The following DOCK2 variants were observed in gnomAD, a reference collection of about 807,000 sequenced individuals.
DOCK2 encodes dedicator of cytokinesis protein 2.
DOCK2 carries 87 observed loss-of-function variants against 248.9 expected under a neutral mutation model. The ratio of observed to expected loss-of-function variants is 0.35; its 90% confidence interval spans 0.29 to 0.42. The LOEUF (loss-of-function observed/expected upper bound fraction) is 0.42, where lower values mean the gene tolerates loss of function less well. DOCK2 is among the 10% of genes least tolerant of loss of function. DOCK2 has a pLI of 1.00. For missense variants in DOCK2, 1,747 were observed against 2,300.2 expected (o/e 0.76, Z 4.92); for synonymous variants, 805 against 821.6 (o/e 0.98, Z 0.35).
chr5:170,012,950 G>A (rs10065067), intron 32 of DOCK2, among the ~76,000 whole-genome samples: 67,819 of 151,714 alleles, frequency 0.45, 15,876 homozygotes, highest in East Asian at 0.76. Flanking sequence ...CTGTTTAAGC[G>A]TCTACAGAGT....
intron 49 of DOCK2, chr5:170,079,895 C>T: frequency 2.5e-6 from 1 of 400,066 alleles, no homozygotes; most frequent in Non-Finnish European, 4.5e-6. Flanking sequence ...GAAATGTCTT[C>T]TGTGTTTGTC....
chr5:169,912,676 A>G (rs537011348), intron 27 of DOCK2, among the ~76,000 whole-genome samples: 1 of 152,032 alleles, frequency 6.6e-6, no homozygotes, highest in African/African-American at 2.4e-5. Flanking sequence ...ATGTTGCATT[A>G]TACCCATAAT....
rs772484158 is a variant in DOCK2 at position 169,759,633 on chromosome 5, C to T, written c.2377-72C>T. ...TTCTCCTCTGATCTGTGTCATGCTG[C>T]AAAGTACCCTCTTTGCCAGCACAGA... On this transcript the variant is annotated intron_variant, in intron 23 of 51. Coordinates refer to ENST00000520908, the MANE Select transcript of DOCK2 (RefSeq NM_004946.3). The T allele has an allele frequency of 2.0e-6, 3 of 1,537,172 alleles. No homozygotes were observed. The Admixed American group carries it at 5.0e-5, about 26-fold the overall frequency.
At chr5:169,901,417 G>A (rs1561808378) in intron 27 of DOCK2, among the ~76,000 whole-genome samples, 1 of 152,090 alleles carries the variant, frequency 6.6e-6, no homozygotes. Context: ...GGTTTACGAA[G>A]GGTGTGTGTG....
chr5:169,846,625 T>C (rs991447587), intron 27 of DOCK2, among the ~76,000 whole-genome samples: 2 of 151,090 alleles, frequency 1.3e-5, no homozygotes, highest in Admixed American at 6.6e-5. Context: ...CACACACACA[T>C]ATATACACAC....
intron 1 of DOCK2, among the ~76,000 whole-genome samples, chr5:169,649,482 A>G (rs976289747): frequency 6.6e-6 from 1 of 152,210 alleles, no homozygotes; most frequent in African/African-American, 2.4e-5. Context: ...TTCAATAAAC[A>G]TTGATTGCAC....
intron 27 of DOCK2, among the ~76,000 whole-genome samples, chr5:169,978,511 T>C (rs1435791301): frequency 2.0e-5 from 3 of 151,902 alleles, no homozygotes; most frequent in African/African-American, 7.3e-5. Flanking sequence ...TGATGATGAA[T>C]TTTTTAATGC....
In DOCK2 at chr5:169,712,269, G is replaced by T. The variant is rs747898115; in HGVS notation, c.1659+46G>T. The T allele has an allele frequency of 3.2e-6, 5 of 1,580,646 alleles. No homozygotes were observed. The African/African-American group carries it at 5.4e-5, about 17-fold the overall frequency. On this transcript the variant is annotated intron_variant, in intron 17 of 51. Coordinates refer to ENST00000520908, the MANE Select transcript of DOCK2 (RefSeq NM_004946.3). ...CTCTGCACTGAGGGGAGTGCAGGAA[G>T]AAAGGGGGTGATGGCAAAATTGCTT...
At chr5:169,966,784 T>C (rs1777316351) in intron 27 of DOCK2, among the ~76,000 whole-genome samples, 1 of 152,182 alleles carries the variant, frequency 6.6e-6, no homozygotes, top group Non-Finnish European at 1.5e-5. Context: ...CAGGACTCCA[T>C]GAGCTGTTCC....
In DOCK2 at chr5:169,859,958, CTT is replaced by C. The variant is rs759586059; in HGVS notation, c.2799+19122_2799+19123del. Among the ~76,000 whole-genome samples, 803 of 107,176 alleles carry C rather than the reference CTT, an allele frequency of 7.5e-3. 7 individuals carry two copies. The highest frequency in any genetic ancestry group is 0.016 in the Middle Eastern group (3 of 192). 70.3% of individuals were successfully genotyped at this position (107,176 alleles called of 152,430 possible). On this transcript the variant is annotated intron_variant, in intron 27 of 51. Transcript: ENST00000520908. ...CTGTCGTGGTTTCTGGTGGATCCTT[CTT>C]TTTTTTTTTTTTTTTCTTTTTTTTT... is the stretch of plus-strand genomic sequence containing the variant.
chr5:169,908,781 G>A (rs1426021784), intron 27 of DOCK2, among the ~76,000 whole-genome samples: 1 of 137,786 alleles, frequency 7.3e-6, no homozygotes, highest in East Asian at 2.1e-4. Context: ...GTGGTGTGAT[G>A]TCAGCTCACT....
chr5:169,990,740 T>C (rs1778185124), intron 29 of DOCK2, among the ~76,000 whole-genome samples: 2 of 152,216 alleles, frequency 1.3e-5, no homozygotes, highest in South Asian at 4.1e-4. Flanking sequence ...CTACATCCCA[T>C]GAATGACAGG....
intron 26 of DOCK2, among the ~76,000 whole-genome samples, chr5:169,805,575 T>C (rs1767309668): frequency 6.6e-6 from 1 of 152,222 alleles, no homozygotes; most frequent in South Asian, 2.1e-4. Flanking sequence ...GTCAAGTTCC[T>C]GGTTTGGTGG....
At chr5:169,919,980 T>C (rs1249733250) in intron 27 of DOCK2, among the ~76,000 whole-genome samples, 1 of 152,246 alleles carries the variant, frequency 6.6e-6, no homozygotes, top group Non-Finnish European at 1.5e-5. Flanking sequence ...ACACATACTT[T>C]AGTGATACAT....
intron 32 of DOCK2, among the ~76,000 whole-genome samples, chr5:170,010,443 C>A (rs1414152500): frequency 2.0e-5 from 3 of 152,156 alleles, no homozygotes; most frequent in Admixed American, 2.0e-4. Context: ...ACAGCCGGCA[C>A]CTGGCCTCAG....
chr5:169,898,562 A>T (rs961938849), intron 27 of DOCK2, among the ~76,000 whole-genome samples: 6 of 149,692 alleles, frequency 4.0e-5, no homozygotes, highest in Non-Finnish European at 5.9e-5. Context: ...CAACAACAAC[A>T]CACACCGGAT....
rs1561604574 is a variant in DOCK2 at position 169,691,853 on chromosome 5, ATTTTTATTTAT to A, written c.843+2526_843+2536del. 1.6e-3 allele frequency among the ~76,000 whole-genome samples: 203 copies of A among 130,628 alleles called. 1 individual carries two copies. The highest frequency in any genetic ancestry group is 7.3e-3 in the African/African-American group (193 of 26,508). The allele number at this position is 130,628 out of a possible 152,430, so 85.7% of individuals were successfully genotyped here. A position where few individuals can be genotyped will look rare whatever the true frequency, so the allele number is the denominator to read the frequency against. ...GTTTTATTTATTTATTTATTTATTT[ATTTTTATTTAT>A]TTTTTTTTTTGAGATGGAGTCTTGC... is the stretch of plus-strand genomic sequence containing the variant. On this transcript the variant is annotated intron_variant, in intron 9 of 51. Coordinates refer to ENST00000520908, the MANE Select transcript of DOCK2 (RefSeq NM_004946.3).
At chr5:170,064,247 T>C (rs1757422283) in intron 44 of DOCK2, among the ~76,000 whole-genome samples, 1 of 151,702 alleles carries the variant, frequency 6.6e-6, no homozygotes, top group South Asian at 2.1e-4. Flanking sequence ...AGAAACAGGG[T>C]AATATATTCC....
At chr5:169,683,315 G>A (rs190421631) in intron 7 of DOCK2, among the ~76,000 whole-genome samples, 54 of 152,006 alleles carry the variant, frequency 3.6e-4, no homozygotes, top group African/African-American at 1.2e-3. Context: ...CTGTAGCTTC[G>A]ACCCCCTGGG....
Sources: gnomAD v4.1 joint callset for allele counts (sites outside exome capture counted in the v4.1 genomes callset) on GRCh38, gnomAD v4.1.1 for gene constraint, MANE v1.5 for transcripts, NCBI Gene and HGNC (gene_info 2026-07-23, HGNC 2026-07-21) for gene names.